Variants in ASCC1 observed in about 807,000 individuals in gnomAD.
ASCC1 encodes the protein ASC-1 complex subunit P50.
A neutral mutation model predicts 46.6 loss-of-function variants in ASCC1; 35 were observed. That is an observed-to-expected ratio of 0.75 (90% confidence interval 0.57 to 0.99). The LOEUF is 0.99. Among genes scored for constraint, ASCC1 ranks in the 50% least tolerant of loss-of-function variants. ASCC1 has a pLI of 0.00. For synonymous variants in ASCC1, 143 were observed against 146.6 expected (o/e 0.98, Z 0.18); for missense variants, 376 against 428.7 (o/e 0.88, Z 1.09).
chr10:72,189,041 G>A (rs1294145689), intron 5 of ASCC1, among the ~76,000 whole-genome samples: 2 of 151,958 alleles, frequency 1.3e-5, no homozygotes, highest in African/African-American at 2.4e-5. Flanking sequence ...GAAGGCCTAA[G>A]CTACCTCATC....
At chr10:72,185,379 T>C (rs1241848118) in intron 5 of ASCC1, among the ~76,000 whole-genome samples, 1 of 152,204 alleles carries the variant, frequency 6.6e-6, no homozygotes, top group African/African-American at 2.4e-5. Context: ...CAGAGTTGAA[T>C]AGATAAAGAA....
intron 1 of ASCC1, 137 bp from the exon 2 acceptor site, chr10:72,213,468 T>G (rs1858482322): frequency 1.6e-6 from 1 of 632,446 alleles, no homozygotes; most frequent in African/African-American, 1.8e-5. Context: ...CATTTCCCAT[T>G]GGATTTCCCA....
At position 72,114,234 on chromosome 10, in the gene ASCC1, A is replaced by G. The variant is rs531278292; in HGVS notation, c.957+13848T>C. 1.9e-3 allele frequency among the ~76,000 whole-genome samples: 286 copies of G among 152,364 alleles called. 1 individual carries two copies. Among genetic ancestry groups the G allele is most frequent in the African/African-American group, 6.6e-3 (275 of 41,580 alleles). On this transcript the variant is annotated intron_variant, in intron 9 of 9. Coordinates refer to ENST00000672957, the MANE Select transcript of ASCC1 (RefSeq NM_001198800.3). ...TGTGTAGTAATAAAGCTGCAATCAA[A>G]TTTAATTGAGAAATGAACTTGAAAG...
intron 6 of ASCC1, among the ~76,000 whole-genome samples, chr10:72,160,428 C>T (rs1434236211): frequency 2.0e-5 from 3 of 152,024 alleles, no homozygotes; most frequent in East Asian, 1.9e-4. Flanking sequence ...GGGGAAGATA[C>T]GGTTCTTTGA....
intron 9 of ASCC1, among the ~76,000 whole-genome samples, chr10:72,112,878 CAAAAAAA>C (rs60754683): frequency 4.8e-5 from 4 of 82,838 alleles, no homozygotes; most frequent in Non-Finnish European, 9.0e-5. Flanking sequence ...ACTCTGCCTC[CAAAAAAA>C]AAAAAAAAAA....
At chr10:72,098,307 T>A (rs1297975719) in intron 9 of ASCC1, among the ~76,000 whole-genome samples, 1 of 152,250 alleles carries the variant, frequency 6.6e-6, no homozygotes, top group Non-Finnish European at 1.5e-5. Flanking sequence ...TACCTTCCTC[T>A]GTTAGGATGT....
chr10:72,097,497 T>G (rs573423598), intron 9 of ASCC1, 47 bp from the exon 10 acceptor site: 1 of 1,159,900 alleles, frequency 8.6e-7, no homozygotes, highest in Non-Finnish European at 1.3e-6. Context: ...AAAGTATAGA[T>G]GAAAATATTA....
rs149236336 is a variant in ASCC1 at position 72,152,987 on chromosome 10, C to G, written c.628G>C (p.Asp210His). 2 of 1,614,060 alleles carry G rather than the reference C, an allele frequency of 1.2e-6. No individual in the cohort carries two copies. The highest frequency in any genetic ancestry group is 1.7e-6 in the Non-Finnish European group (2 of 1,179,964). Residue 210 changes from aspartate to histidine, a missense_variant and splice_region_variant, in exon 7 of 10, where the codon GAT (aspartate) becomes CAT (histidine). Coordinates refer to ENST00000672957, the MANE Select transcript of ASCC1 (RefSeq NM_001198800.3). ...LQQCKEEFINDISGGKPLEVE... is the reference protein window; with the variant it reads ...LQQCKEEFINHISGGKPLEVE... ...TCTAGGGGTTTACCCCCAGAAATAT[C>G]ACTGCAAAGGAAAAAGCATTAAGAT...
chr10:72,198,595 TC>T, intron 4 of ASCC1: 1 of 455,584 alleles, frequency 2.2e-6, no homozygotes. Context: ...GCCTGAGATT[TC>T]AAAACAGACA....
chr10:72,126,741 G>A (rs911609469), intron 9 of ASCC1, among the ~76,000 whole-genome samples: 1 of 152,160 alleles, frequency 6.6e-6, no homozygotes, highest in African/African-American at 2.4e-5. Flanking sequence ...CCCCAAAGAA[G>A]GGAGATAAAG....
At chr10:72,104,955 G>A (rs1332182714) in intron 9 of ASCC1, among the ~76,000 whole-genome samples, 1 of 152,162 alleles carries the variant, frequency 6.6e-6, no homozygotes, top group Non-Finnish European at 1.5e-5. Context: ...CTTCCGGGAA[G>A]AGCCAGCCAG....
At chr10:72,163,116 T>C (rs1849903717) in intron 5 of ASCC1, among the ~76,000 whole-genome samples, 1 of 151,802 alleles carries the variant, frequency 6.6e-6, no homozygotes, top group South Asian at 2.1e-4. Context: ...TAATGGAAAA[T>C]GACAAGTGCT....
At position 72,195,854 on chromosome 10, in the gene ASCC1, G is replaced by C. The variant is rs1429083856; in HGVS notation, c.489+957C>G. Among the ~76,000 whole-genome samples, 8 of 151,866 alleles carry C rather than the reference G, an allele frequency of 5.3e-5. No homozygotes were observed. In the East Asian group the frequency reaches 1.5e-3, roughly 29 times the overall value. ...TGTCTCAAAAAAAAAAAAAGTATGT[G>C]AGTGTACAGACACATTGATACACAC... On this transcript the variant is annotated intron_variant, in intron 5 of 9. Transcript: ENST00000672957.
At chr10:72,177,433 T>C (rs559981238) in intron 5 of ASCC1, among the ~76,000 whole-genome samples, 11 of 152,188 alleles carry the variant, frequency 7.2e-5, no homozygotes, top group African/African-American at 2.7e-4. Flanking sequence ...TAATACTAAC[T>C]GGAAAAAAAA....
At chr10:72,106,524 C>T (rs1054804391) in intron 9 of ASCC1, among the ~76,000 whole-genome samples, 4 of 151,152 alleles carry the variant, frequency 2.6e-5, no homozygotes, top group Non-Finnish European at 5.9e-5. Flanking sequence ...ACAATTATCC[C>T]GTTTATAGAT....
At chr10:72,114,668 ATTAG>A (rs1190530706) in intron 9 of ASCC1, among the ~76,000 whole-genome samples, 16 of 152,082 alleles carry the variant, frequency 1.1e-4, no homozygotes, top group East Asian at 1.9e-4. Flanking sequence ...AATGAAAATA[ATTAG>A]TTAAACAGAA....
chr10:72,216,463 AC>A (rs1859352274), upstream of ASCC1, among the ~76,000 whole-genome samples: 2 of 9,900 alleles, frequency 2.0e-4, no homozygotes, highest in African/African-American at 6.8e-4. Context: ...CTCCACGCCC[AC>A]CCCCGCCCCG....
Position 72,197,405 on chromosome 10 carries a change from T to C in ASCC1, c.311-416A>G, listed in dbSNP as rs536742206. Among the ~76,000 whole-genome samples, 3 of 142,432 alleles carry C rather than the reference T, an allele frequency of 2.1e-5. No homozygotes were observed. The Admixed American group carries it at 2.3e-4, about 11-fold the overall frequency. The allele number at this position is 142,432 out of a possible 152,430, so 93.4% of individuals were successfully genotyped here. A position where few individuals can be genotyped will look rare whatever the true frequency, so the allele number is the denominator to read the frequency against. Reference sequence around the variant, plus strand: ...ATGGAGGGAACCCAGGAGGTGGAGCTTGCAGTGAGCCAAGATCGTGCTACT... The same window carrying C: ...ATGGAGGGAACCCAGGAGGTGGAGCCTGCAGTGAGCCAAGATCGTGCTACT... On this transcript the variant is annotated intron_variant, in intron 4 of 9. Coordinates refer to ENST00000672957, the MANE Select transcript of ASCC1 (RefSeq NM_001198800.3).
chr10:72,206,040 G>A (rs1332280792), intron 3 of ASCC1, among the ~76,000 whole-genome samples: 1 of 150,634 alleles, frequency 6.6e-6, no homozygotes, highest in Non-Finnish European at 1.5e-5. Flanking sequence ...GGAGGCAGAG[G>A]TTGCAGTGAG....
Sources: allele counts gnomAD v4.1 joint callset (sites outside exome capture counted in the v4.1 genomes callset), GRCh38; gene constraint gnomAD v4.1.1; transcripts MANE v1.5; gene names NCBI Gene and HGNC (gene_info 2026-07-23, HGNC 2026-07-21).